The following SP140L variants were observed in gnomAD, a reference collection of about 807,000 sequenced individuals.
The protein encoded by SP140L is nuclear body protein SP140-like protein.
SP140L carries 64 observed loss-of-function variants against 84.3 expected under a neutral mutation model. The ratio of observed to expected loss-of-function variants is 0.76; its 90% CI spans 0.62 to 0.94. The LOEUF (loss-of-function observed/expected upper bound fraction) is 0.94, where lower values mean the gene tolerates loss of function less well. SP140L is among the 40% of genes least tolerant of loss of function. The pLI, the probability that SP140L is intolerant of heterozygous loss-of-function variation, is 0.00. For synonymous variants in SP140L, 242 were observed against 236.9 expected (o/e 1.02, Z -0.20); for missense variants, 628 against 692.5 (o/e 0.91, Z 1.05).
At chr2:230,400,726 C>CA (rs1046581343) in intron 15 of SP140L, 1 of 971,938 alleles carries the variant, frequency 1.0e-6, no homozygotes, top group African/African-American at 1.6e-5. Flanking sequence ...AGTCCCCACT[C>CA]ACGGTGACAC....
intron 5 of SP140L, among the ~76,000 whole-genome samples, chr2:230,368,132 T>C (rs1277711068): frequency 6.6e-6 from 1 of 152,206 alleles, no homozygotes. Flanking sequence ...CTTAAATAAT[T>C]CCCTTTAGTA....
Position 230,371,591 on chromosome 2 carries a change from T to G in SP140L, c.584-7T>G. 1 of 1,596,668 alleles carries G rather than the reference T, an allele frequency of 6.3e-7. No individual in the cohort carries two copies. Among genetic ancestry groups the G allele is most frequent in the Admixed American group, 1.7e-5 (1 of 57,954 alleles). ...CTGTTTCCTCACTACCACTTGTTAT[T>G]TTCTAGATACTGTGGATATTGCAAA... On this transcript the variant is annotated splice_region_variant and splice_polypyrimidine_tract_variant and intron_variant, in intron 6 of 18. Coordinates refer to ENST00000415673, the MANE Select transcript of SP140L (RefSeq NM_138402.6).
rs61734774 is a variant in SP140L, at chr2:230,400,183, C to A, written c.1254C>A (p.Cys418Ter). ...GGGACGGAGGGGAGCTGTTCTGTTGCGACACTTGTTCAAGAGTCTTCCATG... is the reference window on the plus strand; with the variant it reads ...GGGACGGAGGGGAGCTGTTCTGTTGAGACACTTGTTCAAGAGTCTTCCATG... ...VCRDGGELFC[C>*]DTCSRVFHED... Residue 418 changes from cysteine (C) to a stop codon, truncating the protein, a stop_gained, in exon 15 of 19, where the codon TGC (cysteine) becomes TGA (stop). Transcript: ENST00000415673. LOFTEE classifies it high-confidence loss of function. 6.2e-6 allele frequency: 10 copies of A among 1,614,088 alleles called. No homozygotes were observed. The highest frequency in any genetic ancestry group is 1.7e-4 in the Middle Eastern group (1 of 6,060).
rs754696670 is a variant in SP140L, at chr2:230,358,981, T to G, written c.288T>G (p.Cys96Trp). The G allele has an allele frequency of 6.3e-7, 1 of 1,586,572 alleles. No individual in the cohort carries two copies. The highest frequency in any genetic ancestry group is 8.5e-7 in the Non-Finnish European group (1 of 1,172,326). Residue 96 changes from cysteine to tryptophan, a missense_variant, in exon 4 of 19, where the codon TGT (cysteine) becomes TGG (tryptophan). By Grantham distance (215) the Cys-to-Trp change is radical. This residue lies in a region of SP140L where 525 missense variants were observed against 518.4 expected (regional missense o/e 1.01). Transcript: ENST00000415673. ...NKMFEDSEDSCRNLVPVQRVV... is the reference protein window; with the variant it reads ...NKMFEDSEDSWRNLVPVQRVV... ...TTTTAAAGGATTCTGAAGATTCTTGTAGAAACCTGGTCCCTGTACAAAGAG... is the reference window on the plus strand; with the variant it reads ...TTTTAAAGGATTCTGAAGATTCTTGGAGAAACCTGGTCCCTGTACAAAGAG...
At chr2:230,377,622 G>A (rs2061285506) in intron 7 of SP140L, among the ~76,000 whole-genome samples, 1 of 152,076 alleles carries the variant, frequency 6.6e-6, no homozygotes, top group Non-Finnish European at 1.5e-5. Context: ...AAATCTTTGG[G>A]TTGGGCATGT....
intron 2 of SP140L, among the ~76,000 whole-genome samples, chr2:230,348,149 T>G (rs1212116793): frequency 6.6e-6 from 1 of 152,260 alleles, no homozygotes; most frequent in Non-Finnish European, 1.5e-5. Context: ...TATGGCACTT[T>G]GCCAGCCTTG....
At chr2:230,346,220 G>C (rs2060205407) in intron 2 of SP140L, among the ~76,000 whole-genome samples, 1 of 152,094 alleles carries the variant, frequency 6.6e-6, no homozygotes, top group Non-Finnish European at 1.5e-5. Flanking sequence ...CTCCTGGGCT[G>C]AGAAGAGGAG....
At chr2:230,388,107 A>C (rs973932988) in intron 9 of SP140L, among the ~76,000 whole-genome samples, 1 of 152,134 alleles carries the variant, frequency 6.6e-6, no homozygotes, top group African/African-American at 2.4e-5. Flanking sequence ...GTTTTGTCTC[A>C]ATTTTCTCTG....
chr2:230,344,118 G>A (rs1378194790), intron 2 of SP140L, among the ~76,000 whole-genome samples: 1 of 152,038 alleles, frequency 6.6e-6, no homozygotes, highest in Non-Finnish European at 1.5e-5. Context: ...TTGTCAGTGG[G>A]GTGGTAAAGT....
Position 230,328,777 on chromosome 2 carries a change from CACAAGT to C in SP140L, c.55_60del (p.Gln19_Val20del). ...TTTAGGGGGCTGAACGGAGGTGTTT[CACAAGT>C]AGCAAATGAGATGAACCATCTTCCT... On this transcript the variant is annotated inframe_deletion, in exon 2 of 19. Transcript: ENST00000415673. 6.2e-7 allele frequency: 1 copy of C among 1,612,736 alleles called. No individual in the cohort carries two copies. The highest frequency in any genetic ancestry group is 8.5e-7 in the Non-Finnish European group (1 of 1,179,240).
intron 7 of SP140L, chr2:230,372,284 A>T (rs2061101839): frequency 1.3e-5 from 2 of 152,660 alleles, no homozygotes; most frequent in Non-Finnish European, 2.9e-5. Context: ...TGGCTATCAC[A>T]TATTCCTGAA....
intron 7 of SP140L, among the ~76,000 whole-genome samples, chr2:230,377,842 T>C (rs1196259557): frequency 1.1e-5 from 1 of 91,074 alleles, no homozygotes; most frequent in African/African-American, 4.3e-5. Context: ...TTATAAAGTC[T>C]ACATTTACCA....
chr2:230,359,314 C>T (rs1208680640), intron 4 of SP140L, among the ~76,000 whole-genome samples, 182 bp downstream of exon 4: 1 of 152,200 alleles, frequency 6.6e-6, no homozygotes, highest in Non-Finnish European at 1.5e-5. Flanking sequence ...AAACAAACAT[C>T]TGGAGGTCTG....
intron 2 of SP140L, among the ~76,000 whole-genome samples, chr2:230,332,552 C>A (rs2149674854): frequency 6.6e-6 from 1 of 152,332 alleles, no homozygotes; most frequent in African/African-American, 2.4e-5. Flanking sequence ...TGAGGTTCAT[C>A]AGTAATCAGT....
At chr2:230,393,277 G>T in intron 12 of SP140L, 137 bp from the exon 13 acceptor site, 8 of 893,740 alleles carry the variant, frequency 9.0e-6, no homozygotes, top group Non-Finnish European at 1.3e-5. Context: ...CAGGGAGATG[G>T]TTTCTCATTC....
chr2:230,371,521 A>G (rs2149766678), intron 6 of SP140L, 77 bp from the exon 7 acceptor site: 3 of 1,243,482 alleles, frequency 2.4e-6, no homozygotes, highest in Non-Finnish European at 3.4e-6. Context: ...CAAGCCTTCT[A>G]TAGTATGAAT....
At chr2:230,350,410 T>G (rs2149712910) in intron 2 of SP140L, among the ~76,000 whole-genome samples, 1 of 152,358 alleles carries the variant, frequency 6.6e-6, no homozygotes, top group Admixed American at 6.5e-5. Flanking sequence ...GGCAATCAGG[T>G]TATTTTCAGG....
At chr2:230,394,215 T>C (rs2061949624) in intron 13 of SP140L, among the ~76,000 whole-genome samples, 1 of 152,236 alleles carries the variant, frequency 6.6e-6, no homozygotes, top group Non-Finnish European at 1.5e-5. Context: ...GATTTTTCCT[T>C]CACTTAAGAA....
rs772390531 is a variant in SP140L at position 230,361,690 on chromosome 2, TAAAC to T, written c.519_522del (p.Gln174GlufsTer78). ...AGAGGCCTGACATCAAACTAAGTCT[TAAAC>T]AAGGTAAAAATGACAGAATAAAAAC... On this transcript the variant is annotated frameshift_variant, in exon 5 of 19. Transcript: ENST00000415673. LOFTEE classifies it high-confidence loss of function. 1.0e-5 allele frequency: 16 copies of T among 1,557,094 alleles called. No homozygotes were observed. The highest frequency in any genetic ancestry group is 8.3e-5 in the South Asian group (7 of 84,402).
Sources: allele counts gnomAD v4.1 joint callset (sites outside exome capture counted in the v4.1 genomes callset), GRCh38; gene constraint gnomAD v4.1.1; regional missense constraint gnomAD v4.1.1; transcripts MANE v1.5; gene names NCBI Gene and HGNC (gene_info 2026-07-23, HGNC 2026-07-21).